The following CDH20 variants were observed in gnomAD, a reference collection of about 807,000 sequenced individuals.
CDH20 encodes cadherin-20.
Under a neutral mutation model 74.2 loss-of-function variants are expected in CDH20, and 29 were observed. The observed-to-expected ratio is 0.39, with a 90% CI of 0.29 to 0.53. The LOEUF (loss-of-function observed/expected upper bound fraction) is 0.53. Ranked by LOEUF, CDH20 falls within the 20% of genes least tolerant of loss-of-function variation. The pLI is 0.69. For synonymous variants in CDH20, 469 were observed against 405.4 expected (o/e 1.16, Z -1.88); for missense variants, 988 against 1,048.3 (o/e 0.94, Z 0.79).
At chr18:61,345,992 C>T (rs1910104749) in intron 1 of CDH20, among the ~76,000 whole-genome samples, 1 of 152,108 alleles carries the variant, frequency 6.6e-6, no homozygotes, top group Non-Finnish European at 1.5e-5. Context: ...GTACCTGGGC[C>T]CTGGGCTTTC....
At position 61,555,511 on chromosome 18, in the gene CDH20, T is replaced by C; in HGVS notation, c.*816T>C. The stretch of plus-strand genomic sequence containing the variant: ...CCATGTGCCAAATGTGGAGATTAGA[T>C]GCTACAAATGAAAGCCAAATAAAAA... On this transcript the variant is annotated 3_prime_UTR_variant, in exon 12 of 12. Coordinates refer to ENST00000262717, the MANE Select transcript of CDH20 (RefSeq NM_031891.4). 10 of 985,418 alleles carry C rather than the reference T, an allele frequency of 1.0e-5. No individual in the cohort carries two copies. The highest frequency in any genetic ancestry group is 4.7e-5 in the South Asian group (1 of 21,288). 61.0% of individuals were successfully genotyped at this position (985,418 alleles called of 1,614,324 possible).
intron 1 of CDH20, among the ~76,000 whole-genome samples, chr18:61,463,634 G>A (rs1909860941): frequency 6.6e-6 from 1 of 152,102 alleles, no homozygotes; most frequent in Admixed American, 6.6e-5. Flanking sequence ...GGAGAGTAGT[G>A]CTGGGGGCTG....
chr18:61,532,569 CAT>C (rs935590072), intron 7 of CDH20, among the ~76,000 whole-genome samples: 4 of 140,950 alleles, frequency 2.8e-5, no homozygotes, highest in African/African-American at 5.1e-5. Flanking sequence ...CACACACACA[CAT>C]ATATATAAAA....
At chr18:61,529,316 C>T (rs1008290918) in intron 7 of CDH20, among the ~76,000 whole-genome samples, 2 of 152,202 alleles carry the variant, frequency 1.3e-5, no homozygotes, top group African/African-American at 4.8e-5. Context: ...GCTTCTCTCA[C>T]CTAGTGCTGT....
intron 1 of CDH20, among the ~76,000 whole-genome samples, chr18:61,387,684 A>G (rs562054181): frequency 6.6e-6 from 1 of 152,318 alleles, no homozygotes; most frequent in South Asian, 2.1e-4. Flanking sequence ...GTGTGTATAC[A>G]TAGACATCAT....
At chr18:61,540,432 G>A (rs1195149501) in intron 9 of CDH20, among the ~76,000 whole-genome samples, 3 of 152,132 alleles carry the variant, frequency 2.0e-5, no homozygotes, top group Admixed American at 2.0e-4. Context: ...TGGACTCACA[G>A]TTCCACGTGG....
intron 1 of CDH20, among the ~76,000 whole-genome samples, chr18:61,472,924 G>C (rs992080359): frequency 6.6e-6 from 1 of 152,236 alleles, no homozygotes; most frequent in African/African-American, 2.4e-5. Flanking sequence ...GCTTATGTCT[G>C]TGAGTAGATT....
intron 1 of CDH20, among the ~76,000 whole-genome samples, chr18:61,396,690 C>T (rs550815840): frequency 1.3e-5 from 2 of 152,330 alleles, no homozygotes; most frequent in African/African-American, 2.4e-5. Flanking sequence ...CAGGTAGGAA[C>T]TTCAGTCCAT....
At chr18:61,502,022 A>C (rs1318836400) in intron 4 of CDH20, among the ~76,000 whole-genome samples, 1 of 152,224 alleles carries the variant, frequency 6.6e-6, no homozygotes, top group South Asian at 2.1e-4. Flanking sequence ...TATATACATT[A>C]TAGGGGTAAA....
At chr18:61,374,308 A>G (rs575483077) in intron 1 of CDH20, among the ~76,000 whole-genome samples, 9 of 152,092 alleles carry the variant, frequency 5.9e-5, no homozygotes, top group Non-Finnish European at 1.3e-4. Context: ...CTTCTCCAAA[A>G]TTTAAAGAAA....
intron 1 of CDH20, among the ~76,000 whole-genome samples, chr18:61,427,213 A>G (rs1251811713): frequency 6.6e-6 from 1 of 152,156 alleles, no homozygotes; most frequent in Non-Finnish European, 1.5e-5. Flanking sequence ...ACATACAATA[A>G]CATTACATAC....
At position 61,380,242 on chromosome 18, in the gene CDH20, A is replaced by C. The variant is rs113547901; in HGVS notation, c.-153+46415A>C. Reference sequence around the variant, plus strand: ...AGCTTGCAAAAACTAAAGTGAAATCAGTGTATTTTCAGGAGTTAATGCAAC... The same window carrying C: ...AGCTTGCAAAAACTAAAGTGAAATCCGTGTATTTTCAGGAGTTAATGCAAC... On this transcript the variant is annotated intron_variant, in intron 1 of 11. Transcript: ENST00000262717. Among the ~76,000 whole-genome samples the C allele has an allele frequency of 4.3e-3, 660 of 152,340 alleles. 1 individual carries two copies. The highest frequency in any genetic ancestry group is 7.3e-3 in the Non-Finnish European group (496 of 68,032).
chr18:61,370,363 T>C (rs766862782), intron 1 of CDH20, among the ~76,000 whole-genome samples: 37 of 152,120 alleles, frequency 2.4e-4, no homozygotes, highest in Non-Finnish European at 8.8e-5. Context: ...ATAACTTAGA[T>C]AGCTTAAAAG....
intron 6 of CDH20, among the ~76,000 whole-genome samples, chr18:61,520,016 A>G (rs1912138924): frequency 6.6e-6 from 1 of 150,530 alleles, no homozygotes; most frequent in Admixed American, 6.6e-5. Flanking sequence ...AAACCAACAA[A>G]GATCAAAAAA....
At chr18:61,350,626 A>C (rs772374525) in intron 1 of CDH20, among the ~76,000 whole-genome samples, 8 of 152,144 alleles carry the variant, frequency 5.3e-5, no homozygotes, top group Non-Finnish European at 1.0e-4. Context: ...TATGCTAGTT[A>C]CTCTAAGAAA....
At chr18:61,439,515 CT>C (rs1908955274) in intron 1 of CDH20, among the ~76,000 whole-genome samples, 1 of 152,024 alleles carries the variant, frequency 6.6e-6, no homozygotes, top group African/African-American at 2.4e-5. Flanking sequence ...TGTTAGAGCA[CT>C]TTTCTGTGTA....
At chr18:61,343,748 G>C (rs1910027719) in intron 1 of CDH20, among the ~76,000 whole-genome samples, 1 of 152,188 alleles carries the variant, frequency 6.6e-6, no homozygotes, top group Non-Finnish European at 1.5e-5. Context: ...TCCTCTTCAA[G>C]TATCTGAAAT....
intron 1 of CDH20, among the ~76,000 whole-genome samples, chr18:61,446,874 G>A (rs371732981): frequency 6.6e-6 from 1 of 152,184 alleles, no homozygotes; most frequent in African/African-American, 2.4e-5. Flanking sequence ...GTAAACACAC[G>A]AGGATTGGTA....
chr18:61,409,675 T>C (rs570686950), intron 1 of CDH20, among the ~76,000 whole-genome samples: 1 of 152,182 alleles, frequency 6.6e-6, no homozygotes, highest in Non-Finnish European at 1.5e-5. Context: ...TAAACTAAAT[T>C]AAAATTGCGC....
Sources: gnomAD v4.1 joint callset for allele counts (sites outside exome capture counted in the v4.1 genomes callset) on GRCh38, gnomAD v4.1.1 for gene constraint, MANE v1.5 for transcripts, NCBI Gene and HGNC (gene_info 2026-07-23, HGNC 2026-07-21) for gene names.